The following NDUFAF2 variants were observed in gnomAD, a reference collection of about 807,000 sequenced individuals.
NDUFAF2 encodes the protein NADH dehydrogenase [ubiquinone] 1 alpha subcomplex assembly factor 2.
Under a neutral mutation model 22.8 loss-of-function variants are expected in NDUFAF2, and 13 were observed. The ratio of observed to expected loss-of-function variants is 0.57; its 90% CI spans 0.37 to 0.91. NDUFAF2 has a LOEUF of 0.91. Ranked by LOEUF, NDUFAF2 falls within the 40% of genes least tolerant of loss-of-function variation. NDUFAF2 has a pLI of 0.01. For synonymous variants in NDUFAF2, 53 were observed against 64.2 expected (o/e 0.83, Z 0.84); for missense variants, 162 against 195.2 (o/e 0.83, Z 1.01).
chr5:61,038,088 A>G (rs6889381), intron 1 of NDUFAF2, among the ~76,000 whole-genome samples: 17 of 77,816 alleles, frequency 2.2e-4, no homozygotes, highest in African/African-American at 8.4e-4. Flanking sequence ...GAGGCGGGGG[A>G]AGAGAGAGAG....
intron 3 of NDUFAF2, among the ~76,000 whole-genome samples, chr5:61,104,965 C>T (rs987059170): frequency 1.3e-5 from 2 of 152,014 alleles, no homozygotes; most frequent in Non-Finnish European, 2.9e-5. Context: ...TTAGAAATAG[C>T]CTTACGAATT....
chr5:61,025,355 G>A (rs1229911441), intron 1 of NDUFAF2, among the ~76,000 whole-genome samples: 1 of 151,892 alleles, frequency 6.6e-6, no homozygotes, highest in African/African-American at 2.4e-5. Flanking sequence ...TTTTAAATAG[G>A]ACTATGAATT....
chr5:61,004,304 G>T lies in NDUFAF2; in HGVS notation c.127+58922G>T, dbSNP rs143050260. Among the ~76,000 whole-genome samples, 20 of 152,118 alleles carry T rather than the reference G, an allele frequency of 1.3e-4. No homozygotes were observed. The East Asian group carries it at 1.7e-3, about 13-fold the overall frequency. ...GATTTCCTGTGAATTAAATCAATGA[G>T]TTAGTACCATATTCCAATTATATTA... On this transcript the variant is annotated intron_variant, in intron 1 of 3. Transcript: ENST00000296597.
At chr5:61,125,602 T>G (rs1753027309) in intron 3 of NDUFAF2, among the ~76,000 whole-genome samples, 1 of 152,084 alleles carries the variant, frequency 6.6e-6, no homozygotes, top group Non-Finnish European at 1.5e-5. Context: ...CAAATAAATT[T>G]AAAATAGAAT....
At chr5:61,078,061 T>G (rs1752391417) in intron 2 of NDUFAF2, among the ~76,000 whole-genome samples, 1 of 152,190 alleles carries the variant, frequency 6.6e-6, no homozygotes, top group Non-Finnish European at 1.5e-5. Context: ...TGTAAGCTTT[T>G]TCTGACCTGG....
At chr5:61,069,986 C>G (rs1752275240) in intron 1 of NDUFAF2, among the ~76,000 whole-genome samples, 1 of 151,734 alleles carries the variant, frequency 6.6e-6, no homozygotes, top group African/African-American at 2.4e-5. Flanking sequence ...GAATTCAAAC[C>G]CTGTGTTTCA....
chr5:61,088,912 A>G (rs901806733), intron 2 of NDUFAF2, among the ~76,000 whole-genome samples: 5 of 152,090 alleles, frequency 3.3e-5, no homozygotes, highest in African/African-American at 1.2e-4. Flanking sequence ...TTTTGGATGC[A>G]GACTATTGAT....
chr5:61,128,885 T>C (rs1216587571), intron 3 of NDUFAF2, among the ~76,000 whole-genome samples: 2 of 151,942 alleles, frequency 1.3e-5, no homozygotes, highest in Admixed American at 1.3e-4. Context: ...GGAGAAAACT[T>C]TTGCAATCTA....
At chr5:61,063,298 G>A (rs559622973) in intron 1 of NDUFAF2, among the ~76,000 whole-genome samples, 1 of 151,722 alleles carries the variant, frequency 6.6e-6, no homozygotes, top group South Asian at 2.1e-4. Flanking sequence ...AGGAGTTTGG[G>A]ATCAGCCTGG....
At chr5:61,007,293 A>G (rs1325170174) in intron 1 of NDUFAF2, among the ~76,000 whole-genome samples, 3 of 151,838 alleles carry the variant, frequency 2.0e-5, no homozygotes, top group Non-Finnish European at 2.9e-5. Flanking sequence ...TAATTTTTGT[A>G]TAAGGTGTAA....
chr5:61,100,562 C>T (rs1467377449), intron 3 of NDUFAF2, among the ~76,000 whole-genome samples: 1 of 149,676 alleles, frequency 6.7e-6, no homozygotes, highest in East Asian at 2.0e-4. Context: ...CACACACACT[C>T]TTTTCCTTCC....
intron 1 of NDUFAF2, among the ~76,000 whole-genome samples, chr5:60,972,641 T>A (rs1387370686): frequency 3.3e-5 from 5 of 152,216 alleles, no homozygotes; most frequent in Non-Finnish European, 7.3e-5. Context: ...ACAGCATTTT[T>A]AAATCACTTG....
At chr5:61,051,434 G>C (rs1752022608) in intron 1 of NDUFAF2, among the ~76,000 whole-genome samples, 1 of 152,184 alleles carries the variant, frequency 6.6e-6, no homozygotes, top group Non-Finnish European at 1.5e-5. Flanking sequence ...TTATCATGCT[G>C]AGAATTGTAT....
chr5:60,989,190 G>T (rs1580082551), intron 1 of NDUFAF2, among the ~76,000 whole-genome samples: 1 of 152,138 alleles, frequency 6.6e-6, no homozygotes, highest in East Asian at 1.9e-4. Flanking sequence ...TTAGAGAAAT[G>T]CAAATCAGAA....
intron 3 of NDUFAF2, among the ~76,000 whole-genome samples, chr5:61,118,474 G>A (rs1036110589): frequency 5.9e-5 from 9 of 152,096 alleles, no homozygotes; most frequent in East Asian, 1.9e-4. Flanking sequence ...ATAATAACAC[G>A]TTTATTTGAA....
intron 1 of NDUFAF2, among the ~76,000 whole-genome samples, chr5:61,040,263 C>CACACACAT (rs1398152169): frequency 1.7e-5 from 2 of 115,716 alleles, no homozygotes; most frequent in Admixed American, 1.6e-4. Flanking sequence ...CACACACACA[C>CACACACAT]ACACACACAC....
At chr5:61,047,074 A>T (rs1389425808) in intron 1 of NDUFAF2, among the ~76,000 whole-genome samples, 1 of 152,068 alleles carries the variant, frequency 6.6e-6, no homozygotes, top group African/African-American at 2.4e-5. Flanking sequence ...ACTCTTGCTC[A>T]CCCCTCCCCT....
intron 3 of NDUFAF2, among the ~76,000 whole-genome samples, chr5:61,151,091 T>C (rs1741231678): frequency 6.6e-6 from 1 of 152,186 alleles, no homozygotes; most frequent in Non-Finnish European, 1.5e-5. Flanking sequence ...AGATGGGCCC[T>C]TCTTCACATC....
At chr5:61,022,269 AT>A (rs1751592845) in intron 1 of NDUFAF2, among the ~76,000 whole-genome samples, 1 of 152,144 alleles carries the variant, frequency 6.6e-6, no homozygotes, top group Admixed American at 6.5e-5. Flanking sequence ...TAACTTTCTA[AT>A]GTGTTTACCA....
Sources: allele counts gnomAD v4.1 joint callset (sites outside exome capture counted in the v4.1 genomes callset), GRCh38; gene constraint gnomAD v4.1.1; transcripts MANE v1.5; gene names NCBI Gene and HGNC (gene_info 2026-07-23, HGNC 2026-07-21).